The following LRRC9 variants were observed in gnomAD, a reference collection of about 807,000 sequenced individuals.
The protein encoded by LRRC9 is leucine rich repeat containing 9.
In LRRC9, 122 loss-of-function variants were observed where a neutral mutation model predicts 63.2. The observed-to-expected ratio is 1.93, with a 90% CI of 1.67 to 2.24. LRRC9 has a LOEUF of 2.24. Ranked by LOEUF, LRRC9 falls within the 30% of genes most tolerant of loss-of-function variation. LRRC9 has a pLI of 0.00. For synonymous variants in LRRC9, 366 were observed against 213.1 expected (o/e 1.72, Z -6.25); for missense variants, 1,071 against 627.7 (o/e 1.71, Z -7.55).
At chr14:59,985,050 T>C in intron 16 of LRRC9, 55 bp from the exon 17 acceptor site, 3 of 530,146 alleles carry the variant, frequency 5.7e-6, no homozygotes, top group Admixed American at 6.2e-5. Flanking sequence ...ACACTTCAGT[T>C]TGATGTAGAA....
chr14:59,975,641 G>A (rs1886189312), intron 13 of LRRC9, among the ~76,000 whole-genome samples: 2 of 152,144 alleles, frequency 1.3e-5, no homozygotes, highest in Non-Finnish European at 2.9e-5. Flanking sequence ...AAGGGATACA[G>A]TCTATGCAAA....
chr14:60,066,039 A>G (rs1330308239), downstream of LRRC9, among the ~76,000 whole-genome samples: 1 of 152,100 alleles, frequency 6.6e-6, no homozygotes, highest in Non-Finnish European at 1.5e-5. Context: ...GCTGGTCTCA[A>G]ACTCCTGGCT....
chr14:60,029,806 A>G (rs1891850368), intron 28 of LRRC9, among the ~76,000 whole-genome samples: 1 of 152,144 alleles, frequency 6.6e-6, no homozygotes, highest in African/African-American at 2.4e-5. Context: ...AGAAGTGAGC[A>G]TTATTGATTA....
intron 29 of LRRC9, among the ~76,000 whole-genome samples, chr14:60,039,762 C>T (rs1035044190): frequency 6.6e-6 from 1 of 151,950 alleles, no homozygotes; most frequent in Admixed American, 6.6e-5. Context: ...TCTCTATCTC[C>T]TTCATTTCTG....
chr14:60,051,289 C>T lies in LRRC9; in HGVS notation c.3991-1776C>T, dbSNP rs1256596104. ...TAAGACTGGCTGGAGTGACTCCAGGCCCCCCACAAGGGGGCCCCGCCCAGT... is the reference window on the plus strand; with the variant it reads ...TAAGACTGGCTGGAGTGACTCCAGGTCCCCCACAAGGGGGCCCCGCCCAGT... On this transcript the variant is annotated intron_variant, in intron 29 of 31. Coordinates refer to ENST00000445360, the Ensembl canonical transcript of LRRC9. This position sits in a 1 kb window ranked among gnomAD's most constrained non-coding sequence, Gnocchi z 4.7. 6.6e-6 allele frequency among the ~76,000 whole-genome samples: 1 copy of T among 152,156 alleles called. No homozygotes were observed. The highest frequency in any genetic ancestry group is 2.4e-5 in the African/African-American group (1 of 41,442).
At position 59,963,090 on chromosome 14, in the gene LRRC9, A is replaced by G. The variant is rs530519815; in HGVS notation, c.1211+2045A>G. The stretch of plus-strand genomic sequence containing the variant: ...ACATTTCTAGTTGTTTTATTTAAAC[A>G]CTGACTTCTCCTATTAATATTTTTA... On this transcript the variant is annotated intron_variant, in intron 10 of 31. Transcript: ENST00000445360. Among the ~76,000 whole-genome samples the G allele has an allele frequency of 2.6e-5, 4 of 152,322 alleles. No individual in the cohort carries two copies. The South Asian group carries it at 8.3e-4, about 32-fold the overall frequency.
At chr14:60,034,381 A>C (rs558311660) in intron 29 of LRRC9, among the ~76,000 whole-genome samples, 1 of 152,252 alleles carries the variant, frequency 6.6e-6, no homozygotes, top group African/African-American at 2.4e-5. Context: ...ATTTTTAAAA[A>C]TTTGTATTGA....
At chr14:59,995,102 T>C (rs546265456) in intron 17 of LRRC9, among the ~76,000 whole-genome samples, 136 of 152,340 alleles carry the variant, frequency 8.9e-4, no homozygotes, top group African/African-American at 3.1e-3. Context: ...GCTTTCTTTA[T>C]GCAGTGGAAG....
intron 29 of LRRC9, among the ~76,000 whole-genome samples, chr14:60,034,755 C>G (rs1892292406): frequency 6.6e-6 from 1 of 152,140 alleles, no homozygotes; most frequent in African/African-American, 2.4e-5. Flanking sequence ...CGCTGATGGG[C>G]ACTTAGGTTG....
intron 29 of LRRC9, among the ~76,000 whole-genome samples, chr14:60,036,499 T>G (rs1226703357): frequency 6.6e-6 from 1 of 152,216 alleles, no homozygotes; most frequent in East Asian, 1.9e-4. Flanking sequence ...ACTTTGACTC[T>G]TCTGAAGATT....
Position 59,930,958 on chromosome 14 carries a change from T to C in LRRC9, c.308T>C (p.Leu103Pro). The C allele has an allele frequency of 2.2e-6, 1 of 451,826 alleles. No homozygotes were observed. Among genetic ancestry groups the C allele is most frequent in the Non-Finnish European group, 4.0e-6 (1 of 250,624 alleles). 28.0% of individuals were successfully genotyped at this position (451,826 alleles called of 1,614,324 possible). A position where few individuals can be genotyped will look rare whatever the true frequency, so the allele number is the denominator to read the frequency against. ...CAAGAATGTAGAAATTTGGAAAAAC[T>C]ATATTTATATTTTAATAAAATTTCC... Residue 103 changes from leucine (L) to proline (P), a missense_variant, in exon 4 of 32, where the codon CTA becomes CCA. Transcript: ENST00000445360. This position sits in a 1 kb window ranked among gnomAD's most constrained non-coding sequence, Gnocchi z 4.9.
intron 8 of LRRC9, among the ~76,000 whole-genome samples, chr14:59,949,446 T>G (rs1882852808): frequency 6.7e-6 from 1 of 150,018 alleles, no homozygotes; most frequent in East Asian, 2.0e-4. Context: ...TTGTTGATCC[T>G]TTCAAAAAAC....
At chr14:59,944,359 C>T (rs1171210378) in intron 7 of LRRC9, among the ~76,000 whole-genome samples, 1 of 151,724 alleles carries the variant, frequency 6.6e-6, no homozygotes, top group Non-Finnish European at 1.5e-5. Flanking sequence ...GTGAATACGC[C>T]TCACACTTTA....
chr14:60,054,997 C>T (rs1337937769), intron 30 of LRRC9, among the ~76,000 whole-genome samples: 1 of 152,142 alleles, frequency 6.6e-6, no homozygotes, highest in African/African-American at 2.4e-5. Flanking sequence ...TAACCTTAGG[C>T]AATCCACCCG....
chr14:60,019,069 C>T (rs1041921146), intron 25 of LRRC9, 52 bp from the exon 26 acceptor site: 3 of 615,156 alleles, frequency 4.9e-6, no homozygotes, highest in East Asian at 2.9e-5. Flanking sequence ...TTTATCCATA[C>T]AATTTTTAAT....
At chr14:60,054,048 T>TA (rs539859484) in intron 30 of LRRC9, 126 of 390,062 alleles carry the variant, frequency 3.2e-4, no homozygotes, top group Non-Finnish European at 5.9e-4. Context: ...CCAAGGACAT[T>TA]AGAGTCCATG....
Position 60,027,180 on chromosome 14 carries a change from C to A in LRRC9, c.3704-704C>A, listed in dbSNP as rs2140311602. ...TGAGAAAGCCACTTAATTTCTCTGA[C>A]CCTCAATTTTCTGATTAGAAAAAAG... On this transcript the variant is annotated intron_variant, in intron 27 of 31. Coordinates refer to ENST00000445360, the Ensembl canonical transcript of LRRC9. The surrounding 1 kb of genome is among the most constrained non-coding windows in gnomAD (Gnocchi z 4.0). Among the ~76,000 whole-genome samples the A allele has an allele frequency of 6.6e-6, 1 of 152,070 alleles. No homozygotes were observed. Among genetic ancestry groups the A allele is most frequent in the African/African-American group, 2.4e-5 (1 of 41,514 alleles).
At chr14:59,925,122 A>G (rs928410903) in intron 1 of LRRC9, among the ~76,000 whole-genome samples, 4 of 152,142 alleles carry the variant, frequency 2.6e-5, no homozygotes, top group African/African-American at 9.7e-5. Context: ...GAGTCAATGA[A>G]TGAACAAAGA....
intron 15 of LRRC9, among the ~76,000 whole-genome samples, chr14:59,978,679 T>A (rs1268671510): frequency 2.0e-5 from 3 of 152,224 alleles, no homozygotes; most frequent in Non-Finnish European, 4.4e-5. Flanking sequence ...TTTATTCAAC[T>A]ATTCTCCTGT....
Sources: allele counts gnomAD v4.1 joint callset (sites outside exome capture counted in the v4.1 genomes callset), GRCh38; gene constraint gnomAD v4.1.1; non-coding constraint Gnocchi (gnomAD v3.1); transcripts MANE v1.5; gene names NCBI Gene and HGNC (gene_info 2026-07-23, HGNC 2026-07-21).